TBC1D16: variants seen among roughly 807,000 people sequenced by gnomAD.
TBC1D16 encodes CTD-2529O21.1.
A neutral mutation model predicts 74.7 loss-of-function variants in TBC1D16; 58 were observed. The ratio of observed to expected loss-of-function variants is 0.78; its 90% CI spans 0.63 to 0.97. TBC1D16 has a LOEUF of 0.97. TBC1D16 is among the 50% of genes least tolerant of loss of function. TBC1D16 has a pLI of 0.00. For missense variants in TBC1D16, 1,014 were observed against 1,079.5 expected, an observed-to-expected ratio of 0.94 and a Z score of 0.85; for synonymous variants, 493 against 474.7, an observed-to-expected ratio of 1.04 and a Z score of -0.50.
chr17:79,946,409 C>T (rs932911307), intron 9 of TBC1D16, among the ~76,000 whole-genome samples: 2 of 152,204 alleles, frequency 1.3e-5, no homozygotes, highest in African/African-American at 4.8e-5. Context: ...CTCGCTGGCC[C>T]GTCCACCGCT....
At position 79,988,708 on chromosome 17, in the gene TBC1D16, G is replaced by A. The variant is rs1180445775; in HGVS notation, c.779+21452C>T. On this transcript the variant is annotated intron_variant, in intron 3 of 11. Coordinates refer to ENST00000310924, the MANE Select transcript of TBC1D16 (RefSeq NM_019020.4). This position sits in a 1 kb window ranked among gnomAD's most constrained non-coding sequence, Gnocchi z 5.7. ...TGGAGGGTCCTATGCACCAGATGTTGGCTCTTTAATTGGCAGTCAACCTCA... is the reference window on the plus strand; with the variant it reads ...TGGAGGGTCCTATGCACCAGATGTTAGCTCTTTAATTGGCAGTCAACCTCA... Among the ~76,000 whole-genome samples the A allele has an allele frequency of 6.6e-6, 1 of 152,240 alleles. No individual in the cohort carries two copies. The highest frequency in any genetic ancestry group is 1.5e-5 in the Non-Finnish European group (1 of 68,044).
chr17:79,947,884 C>T (rs2032692149), intron 8 of TBC1D16, 53 bp from the exon 9 acceptor site: 5 of 1,492,702 alleles, frequency 3.3e-6, no homozygotes, highest in Admixed American at 1.8e-5. Context: ...CCGCGGCACA[C>T]TGCCCAGCCT....
intron 3 of TBC1D16, among the ~76,000 whole-genome samples, chr17:79,995,580 T>C (rs1477971311): frequency 6.9e-6 from 1 of 143,976 alleles, no homozygotes; most frequent in Non-Finnish European, 1.5e-5. Context: ...GGTCAGGAGA[T>C]CAAGATCATC....
chr17:80,029,622 T>C (rs2036707930), intron 1 of TBC1D16, among the ~76,000 whole-genome samples: 3 of 152,150 alleles, frequency 2.0e-5, no homozygotes, highest in Admixed American at 1.3e-4. Context: ...TCCTCCTCAA[T>C]GTAGAAAGTG....
intron 3 of TBC1D16, among the ~76,000 whole-genome samples, chr17:79,955,080 G>A (rs180978416): frequency 6.6e-6 from 1 of 152,320 alleles, no homozygotes; most frequent in Non-Finnish European, 1.5e-5. Flanking sequence ...CCAGCAACGT[G>A]CCTCCAGGCA....
rs145240717 is a variant in TBC1D16, at chr17:79,980,900, C to G, written c.780-28082G>C. ...GAGTTGAGCCAGAGCTGACCGGGAG[C>G]TGCTGGGACCATGGCTAGGGGTTGT... On this transcript the variant is annotated intron_variant, in intron 3 of 11. Transcript: ENST00000310924. This position sits in a 1 kb window ranked among gnomAD's most constrained non-coding sequence, Gnocchi z 7.0. 3.4e-3 allele frequency among the ~76,000 whole-genome samples: 515 copies of G among 152,290 alleles called. 1 individual carries two copies. The highest frequency in any genetic ancestry group is 0.012 in the African/African-American group (497 of 41,554).
rs997179915 is a variant in TBC1D16, at chr17:79,939,328, G to A, written c.*1531C>T. 1 of 152,266 alleles carries A rather than the reference G, an allele frequency of 6.6e-6. No individual in the cohort carries two copies. The highest frequency in any genetic ancestry group is 1.5e-5 in the Non-Finnish European group (1 of 68,078). The allele number at this position is 152,266 out of a possible 1,614,324, so 9.4% of individuals were successfully genotyped here. On this transcript the variant is annotated 3_prime_UTR_variant, in exon 12 of 12. Transcript: ENST00000310924. ...GGGAACTTGGAAGTACCTGCTGGAC[G>A]ACCTGGGTTCATGGAGAAAAGAGAA... is the stretch of plus-strand genomic sequence containing the variant.
At position 80,013,534 on chromosome 17, in the gene TBC1D16, C is replaced by T. The variant is rs1422835101; in HGVS notation, c.14G>A (p.Arg5His). MSLG[R>H]LLRRASSKAS... Reference sequence around the variant, plus strand: ...TTTGGAGGAGGCCCTGCGAAGGAGGCGGCCCAGAGACATTGCCGGGCAAGT... The same window carrying T: ...TTTGGAGGAGGCCCTGCGAAGGAGGTGGCCCAGAGACATTGCCGGGCAAGT... The change falls in exon 2 of 12, where the codon CGC (arginine) becomes CAC (histidine). Residue 5 changes from arginine to histidine, a missense_variant. By Grantham distance (29) the Arg-to-His change is conservative (BLOSUM62 0). Coordinates refer to ENST00000310924, the MANE Select transcript of TBC1D16 (RefSeq NM_019020.4). 4.6e-6 allele frequency: 7 copies of T among 1,531,780 alleles called. No homozygotes were observed. The highest frequency in any genetic ancestry group is 2.1e-5 in the Admixed American group (1 of 46,656). The allele number at this position is 1,531,780 out of a possible 1,614,324, so 94.9% of individuals were successfully genotyped here.
At chr17:79,967,579 A>C (rs983469306) in intron 3 of TBC1D16, among the ~76,000 whole-genome samples, 4 of 152,224 alleles carry the variant, frequency 2.6e-5, no homozygotes, top group African/African-American at 9.7e-5. Flanking sequence ...TAAGACTATA[A>C]AAGTTGAAAC....
intron 3 of TBC1D16, among the ~76,000 whole-genome samples, chr17:79,982,788 G>C (rs1487211109): frequency 3.3e-5 from 5 of 152,090 alleles, no homozygotes; most frequent in African/African-American, 1.2e-4. Context: ...GAACCCAGGG[G>C]GCGGAGATTG....
chr17:79,999,481 C>G (rs1353240696), intron 3 of TBC1D16, among the ~76,000 whole-genome samples: 1 of 151,432 alleles, frequency 6.6e-6, no homozygotes, highest in South Asian at 2.1e-4. Context: ...AACGGCAACA[C>G]CAGAGGGATC....
At position 80,001,852 on chromosome 17, in the gene TBC1D16, C is replaced by T. The variant is rs925037416; in HGVS notation, c.779+8308G>A. 1.3e-5 allele frequency among the ~76,000 whole-genome samples: 2 copies of T among 151,980 alleles called. No individual in the cohort carries two copies. Among genetic ancestry groups the T allele is most frequent in the African/African-American group, 2.4e-5 (1 of 41,350 alleles). ...CTCACATGCCCTTCCCTCCACCCCC[C>T]GCCTCCTGCTCCCTTCCTCATCCCC... On this transcript the variant is annotated intron_variant, in intron 3 of 11. Coordinates refer to ENST00000310924, the MANE Select transcript of TBC1D16 (RefSeq NM_019020.4). This position sits in a 1 kb window ranked among gnomAD's most constrained non-coding sequence, Gnocchi z 5.8.
At chr17:79,974,988 C>G (rs559969444) in intron 3 of TBC1D16, among the ~76,000 whole-genome samples, 114 of 152,288 alleles carry the variant, frequency 7.5e-4, no homozygotes, top group South Asian at 1.4e-3. Context: ...GTTGGGGCCA[C>G]CCCCGCAGCC....
chr17:79,934,670 T>G lies in TBC1D16; in HGVS notation c.*6189A>C, dbSNP rs926937012. 4 of 152,302 alleles carry G rather than the reference T, an allele frequency of 2.6e-5. No homozygotes were observed. Among genetic ancestry groups the G allele is most frequent in the African/African-American group, 9.6e-5 (4 of 41,458 alleles). The allele number at this position is 152,302 out of a possible 1,614,324, so 9.4% of individuals were successfully genotyped here. ...ACTGCTCCTCCTGGGGCCTAGTCCG[T>G]GGGACCTGCCCAGCCAGCCTTGGGA... is the stretch of plus-strand genomic sequence containing the variant. On this transcript the variant is annotated 3_prime_UTR_variant, in exon 12 of 12. Transcript: ENST00000310924.
chr17:79,968,844 A>C (rs2033954118), intron 3 of TBC1D16, among the ~76,000 whole-genome samples: 1 of 32,616 alleles, frequency 3.1e-5, no homozygotes, highest in South Asian at 1.1e-3. Context: ...TGCCGTCTCA[A>C]AAAAAAAAAA....
chr17:79,948,438 G>A (rs545356049), intron 8 of TBC1D16, among the ~76,000 whole-genome samples: 1 of 152,298 alleles, frequency 6.6e-6, no homozygotes, highest in South Asian at 2.1e-4. Context: ...ACAAGGGGTG[G>A]GCTGGCAGGG....
Position 79,944,882 on chromosome 17 carries a change from C to A in TBC1D16, c.1908+26G>T, listed in dbSNP as rs1017184747. On this transcript the variant is annotated intron_variant, in intron 10 of 11. Coordinates refer to ENST00000310924, the MANE Select transcript of TBC1D16 (RefSeq NM_019020.4). This position sits in a 1 kb window ranked among gnomAD's most constrained non-coding sequence, Gnocchi z 7.7. Reference sequence around the variant, plus strand: ...TTCAGGGGCCATGGTCCCAACCTCCCCAGCCCTGGCCCCTGCCCTGGTCAC... The same window carrying A: ...TTCAGGGGCCATGGTCCCAACCTCCACAGCCCTGGCCCCTGCCCTGGTCAC... 32 of 1,539,290 alleles carry A rather than the reference C, an allele frequency of 2.1e-5. No individual in the cohort carries two copies. Among genetic ancestry groups the A allele is most frequent in the Admixed American group, 1.6e-4 (8 of 50,250 alleles).
In TBC1D16 at chr17:79,933,811, T is replaced by C. The variant is rs1202188575; in HGVS notation, c.*7048A>G. 1 of 152,248 alleles carries C rather than the reference T, an allele frequency of 6.6e-6. No individual in the cohort carries two copies. The highest frequency in any genetic ancestry group is 1.5e-5 in the Non-Finnish European group (1 of 68,060). 9.4% of individuals were successfully genotyped at this position (152,248 alleles called of 1,614,324 possible). ...TATGTGTCTGCCCCGGGAATCCAAG[T>C]AGCCCCAGTGCGCTCCTGCCTTGCT... is the stretch of plus-strand genomic sequence containing the variant. On this transcript the variant is annotated 3_prime_UTR_variant, in exon 12 of 12. Coordinates refer to ENST00000310924, the MANE Select transcript of TBC1D16 (RefSeq NM_019020.4).
At position 79,993,923 on chromosome 17, in the gene TBC1D16, C is replaced by T. The variant is rs1365630486; in HGVS notation, c.779+16237G>A. Among the ~76,000 whole-genome samples, 1 of 152,138 alleles carries T rather than the reference C, an allele frequency of 6.6e-6. No individual in the cohort carries two copies. Among genetic ancestry groups the T allele is most frequent in the African/African-American group, 2.4e-5 (1 of 41,428 alleles). On this transcript the variant is annotated intron_variant, in intron 3 of 11. Transcript: ENST00000310924. This position sits in a 1 kb window ranked among gnomAD's most constrained non-coding sequence, Gnocchi z 5.1. ...CGGCCGGGGTTGCGTCAAGGCCTCC[C>T]GGAGCAGCTGTCAATGGTTTCTGAG...
Sources: allele counts gnomAD v4.1 joint callset (sites outside exome capture counted in the v4.1 genomes callset), GRCh38; gene constraint gnomAD v4.1.1; non-coding constraint Gnocchi (gnomAD v3.1); transcripts MANE v1.5; gene names NCBI Gene and HGNC (gene_info 2026-07-23, HGNC 2026-07-21).